The following DEPDC1B variants were observed in gnomAD, a reference collection of about 807,000 sequenced individuals.
The protein encoded by DEPDC1B is DEP domain-containing protein 1B.
Under a neutral mutation model 66.5 loss-of-function variants are expected in DEPDC1B, and 51 were observed. That is an observed-to-expected ratio of 0.77 (90% CI 0.61 to 0.97). The LOEUF (loss-of-function observed/expected upper bound fraction) is 0.97. Among genes scored for constraint, DEPDC1B ranks in the 50% least tolerant of loss-of-function variants. DEPDC1B has a pLI of 0.00. For missense variants in DEPDC1B, 552 were observed against 637.1 expected (o/e 0.87, Z 1.44); for synonymous variants, 226 against 223.6 (o/e 1.01, Z -0.10).
At chr5:60,688,967 A>G (rs1332449769) in intron 1 of DEPDC1B, 1 of 455,492 alleles carries the variant, frequency 2.2e-6, no homozygotes, top group Non-Finnish European at 4.4e-6. Context: ...ACTGTAATAC[A>G]CTGCTGGCCA....
chr5:60,603,241 C>T (rs1292329078), intron 9 of DEPDC1B, 150 bp downstream of exon 9: 3 of 578,274 alleles, frequency 5.2e-6, no homozygotes, highest in East Asian at 6.6e-5. Flanking sequence ...CAAACACATG[C>T]AGGGGATTAC....
At chr5:60,668,946 T>C (rs1015320526) in intron 2 of DEPDC1B, among the ~76,000 whole-genome samples, 45 of 152,192 alleles carry the variant, frequency 3.0e-4, no homozygotes, top group African/African-American at 1.0e-3. Context: ...CCTAACATGA[T>C]CATGGATTCC....
chr5:60,600,092 C>G (rs1314723332), intron 9 of DEPDC1B, among the ~76,000 whole-genome samples: 1 of 152,200 alleles, frequency 6.6e-6, no homozygotes, highest in Non-Finnish European at 1.5e-5. Flanking sequence ...TCCACTGGAA[C>G]TATCCAGGCG....
chr5:60,615,223 C>T (rs552458548), intron 7 of DEPDC1B, among the ~76,000 whole-genome samples: 222 of 152,240 alleles, frequency 1.5e-3, no homozygotes, highest in Admixed American at 3.3e-3. Flanking sequence ...GCGTGAGCAA[C>T]GCAGAAGACG....
At chr5:60,619,330 G>A (rs112935417) in intron 7 of DEPDC1B, among the ~76,000 whole-genome samples, 2 of 151,882 alleles carry the variant, frequency 1.3e-5, no homozygotes, top group African/African-American at 2.4e-5. Context: ...ATTCGATTAG[G>A]AAAAGAGGAA....
intron 7 of DEPDC1B, among the ~76,000 whole-genome samples, chr5:60,609,795 A>G (rs1196185326): frequency 6.6e-6 from 1 of 152,180 alleles, no homozygotes; most frequent in East Asian, 1.9e-4. Flanking sequence ...GTTCCAGGCT[A>G]CCTGCTTGGA....
intron 2 of DEPDC1B, among the ~76,000 whole-genome samples, chr5:60,663,357 C>T (rs994507871): frequency 2.6e-5 from 4 of 152,134 alleles, no homozygotes; most frequent in African/African-American, 9.7e-5. Flanking sequence ...ATAGCTCCTG[C>T]AATACTCCAA....
chr5:60,681,941 T>C (rs1481311529), intron 2 of DEPDC1B, among the ~76,000 whole-genome samples: 3 of 151,788 alleles, frequency 2.0e-5, no homozygotes, highest in Admixed American at 1.3e-4. Flanking sequence ...AAGATAGTTA[T>C]AATTAAAAAG....
intron 7 of DEPDC1B, among the ~76,000 whole-genome samples, chr5:60,629,381 A>G (rs1457888122): frequency 6.6e-6 from 1 of 152,224 alleles, no homozygotes. Flanking sequence ...TTACTACAGC[A>G]AATGATAGTT....
intron 1 of DEPDC1B, among the ~76,000 whole-genome samples, chr5:60,699,682 C>T (rs948397982): frequency 2.6e-5 from 4 of 152,106 alleles, no homozygotes; most frequent in Non-Finnish European, 5.9e-5. Context: ...GAACGCTGAG[C>T]GTTACGGGGT....
chr5:60,645,743 T>C, intron 3 of DEPDC1B, 124 bp from the exon 4 acceptor site: 2 of 989,848 alleles, frequency 2.0e-6, no homozygotes, highest in Non-Finnish European at 2.8e-6. Flanking sequence ...ACTTGTAACT[T>C]GATTTAAAAT....
At chr5:60,684,631 T>G (rs1754371932) in intron 2 of DEPDC1B, among the ~76,000 whole-genome samples, 1 of 152,100 alleles carries the variant, frequency 6.6e-6, no homozygotes, top group African/African-American at 2.4e-5. Flanking sequence ...CCTGAAACTA[T>G]AAAACTACTA....
chr5:60,624,997 T>C (rs560828323), intron 7 of DEPDC1B, among the ~76,000 whole-genome samples: 14 of 151,718 alleles, frequency 9.2e-5, no homozygotes, highest in African/African-American at 3.1e-4. Flanking sequence ...GATGTGGTGT[T>C]TGGTTTTCTG....
At chr5:60,662,827 C>A (rs991052266) in intron 2 of DEPDC1B, among the ~76,000 whole-genome samples, 6 of 152,086 alleles carry the variant, frequency 3.9e-5, no homozygotes, top group Admixed American at 2.6e-4. Flanking sequence ...ATCACCCTCA[C>A]AGAGCCCCAG....
chr5:60,627,193 T>C (rs1296492301), intron 7 of DEPDC1B, among the ~76,000 whole-genome samples: 2 of 152,142 alleles, frequency 1.3e-5, no homozygotes, highest in South Asian at 4.1e-4. Context: ...TCCCCATTGC[T>C]GGATGATTAC....
intron 7 of DEPDC1B, among the ~76,000 whole-genome samples, chr5:60,618,022 C>G (rs1206570065): frequency 6.6e-6 from 1 of 152,200 alleles, no homozygotes; most frequent in African/African-American, 2.4e-5. Context: ...ATTGAACAAC[C>G]TGCTCCTAAA....
In DEPDC1B at chr5:60,642,735, A is replaced by G. The variant is rs867950602; in HGVS notation, c.757+77T>C. ...CAGGTGTCACATCAATGTTCAGGCC[A>G]TTGAGCAGAAATTTTTCCTAATTTA... On this transcript the variant is annotated intron_variant, in intron 6 of 10. Transcript: ENST00000265036. 37 of 1,125,970 alleles carry G rather than the reference A, an allele frequency of 3.3e-5. No individual in the cohort carries two copies. In the Middle Eastern group the frequency reaches 1.2e-3, roughly 36 times the overall value. The allele number at this position is 1,125,970 out of a possible 1,614,324, so 69.7% of individuals were successfully genotyped here.
Position 60,597,327 on chromosome 5 carries a change from C to G in DEPDC1B, c.*426G>C, listed in dbSNP as rs1752115957. 1 of 155,070 alleles carries G rather than the reference C, an allele frequency of 6.4e-6. No homozygotes were observed. The highest frequency in any genetic ancestry group is 2.0e-4 in the South Asian group (1 of 4,986). 9.6% of individuals were successfully genotyped at this position (155,070 alleles called of 1,614,324 possible). ...TACTAAGTCAATAGCATCACAGTAA[C>G]AGTACCCAGTGTCTTTCTTATTCAA... On this transcript the variant is annotated 3_prime_UTR_variant, in exon 11 of 11. Coordinates refer to ENST00000265036, the MANE Select transcript of DEPDC1B (RefSeq NM_018369.3).
At chr5:60,617,770 G>A (rs1752595706) in intron 7 of DEPDC1B, among the ~76,000 whole-genome samples, 1 of 152,142 alleles carries the variant, frequency 6.6e-6, no homozygotes, top group Non-Finnish European at 1.5e-5. Context: ...ACTGAACTCA[G>A]CTCTGCACCA....
Sources: allele counts gnomAD v4.1 joint callset (sites outside exome capture counted in the v4.1 genomes callset), GRCh38; gene constraint gnomAD v4.1.1; transcripts MANE v1.5; gene names NCBI Gene and HGNC (gene_info 2026-07-23, HGNC 2026-07-21).